MYL4: variants seen among roughly 807,000 people sequenced by gnomAD.
MYL4 encodes myosin light chain 4, also known as atrial myosin light chain 1.
A neutral mutation model predicts 21.6 loss-of-function variants in MYL4; 16 were observed. The observed-to-expected ratio is 0.74, with a 90% CI of 0.50 to 1.12. The LOEUF is 1.12. Ranked by LOEUF, MYL4 falls within the 50% of genes most tolerant of loss-of-function variation. MYL4 has a pLI of 0.00. For missense variants in MYL4, 249 were observed against 252.9 expected (o/e 0.98, Z 0.11); for synonymous variants, 82 against 95.7 (o/e 0.86, Z 0.83).
intron 1 of MYL4, 98 bp from the exon 2 acceptor site, chr17:47,213,701 A>T: frequency 1.6e-6 from 2 of 1,220,446 alleles, no homozygotes; most frequent in Non-Finnish European, 2.4e-6. Flanking sequence ...AGGTGGCCAT[A>T]CTGCATTGGA....
In MYL4 at chr17:47,222,448, A is replaced by T. The variant is rs16941677; in HGVS notation, c.556A>T (p.Asn186Tyr). The part of the protein sequence containing the change: ...AGQEDANGCI[N>Y]YEAFVKHIMS... ...GCAAGAGGATGCCAATGGCTGCATC[A>T]ATTATGAAGGTATTAAGCCGCGCCT... The change falls in exon 5 of 7, where the codon AAT (asparagine) becomes TAT (tyrosine). Residue 186 changes from asparagine (N) to tyrosine (Y), a missense_variant. Coordinates refer to ENST00000393450, the MANE Select transcript of MYL4 (RefSeq NM_002476.2). The T allele has an allele frequency of 1.4e-3, 2,233 of 1,614,084 alleles. 38 individuals carry two copies. In the African/African-American group the frequency reaches 0.027, roughly 20 times the overall value.
At chr17:47,197,976 CT>C (rs1373834079), upstream of MYL4, among the ~76,000 whole-genome samples, 4 of 152,250 alleles carry the variant, frequency 2.6e-5, no homozygotes, top group East Asian at 7.7e-4. Context: ...TGGCTGATGA[CT>C]TTAGTTTTGA....
At chr17:47,209,114 G>T (rs2064752248), upstream of MYL4, 7 of 496,712 alleles carry the variant, frequency 1.4e-5, no homozygotes, top group East Asian at 2.7e-4. Flanking sequence ...GGTCCTTCTG[G>T]GTTTCCACCA....
At chr17:47,219,541 C>G (rs1296575858) in intron 2 of MYL4, among the ~76,000 whole-genome samples, 1 of 152,036 alleles carries the variant, frequency 6.6e-6, no homozygotes, top group Non-Finnish European at 1.5e-5. Context: ...TGGAGTTTCA[C>G]TCTGTCACCC....
upstream of MYL4, among the ~76,000 whole-genome samples, chr17:47,197,092 GT>G (rs71365051): frequency 0.047 from 5,249 of 112,284 alleles, 17 homozygotes; most frequent in African/African-American, 0.072. Flanking sequence ...TCCTTAAAGG[GT>G]TTTTTTTTTT....
At chr17:47,217,043 C>G (rs2064820476) in intron 2 of MYL4, among the ~76,000 whole-genome samples, 1 of 152,172 alleles carries the variant, frequency 6.6e-6, no homozygotes, top group Non-Finnish European at 1.5e-5. Flanking sequence ...TAAACTTGAC[C>G]TCACTCTTCT....
At chr17:47,198,810 T>G (rs1318891982), upstream of MYL4, among the ~76,000 whole-genome samples, 3 of 151,956 alleles carry the variant, frequency 2.0e-5, no homozygotes, top group Non-Finnish European at 4.4e-5. Flanking sequence ...AGAGAGACCC[T>G]CATTTCTACA....
chr17:47,211,174 G>C (rs1226594998), intron 1 of MYL4, among the ~76,000 whole-genome samples: 1 of 152,020 alleles, frequency 6.6e-6, no homozygotes, highest in Non-Finnish European at 1.5e-5. Flanking sequence ...AAAAAAAATA[G>C]GTATCTTTTA....
At chr17:47,204,870 G>A (rs1430855239), upstream of MYL4, among the ~76,000 whole-genome samples, 1 of 152,212 alleles carries the variant, frequency 6.6e-6, no homozygotes, top group Non-Finnish European at 1.5e-5. Context: ...TTGACAAAGT[G>A]TTGGCCAGGG....
intron 6 of MYL4, 126 bp downstream of exon 6, chr17:47,223,183 A>G (rs2064869546): frequency 1.1e-6 from 1 of 928,816 alleles, no homozygotes; most frequent in East Asian, 2.6e-5. Context: ...TGGGATCAGG[A>G]AGTGAGGACA....
At chr17:47,193,371 G>A in the MYL4 span, among the ~76,000 whole-genome samples, 20 of 152,152 alleles carry the variant, frequency 1.3e-4, no homozygotes, top group African/African-American at 3.9e-4. Flanking sequence ...GGGTTCAAGC[G>A]ATTCTCCTGC....
At chr17:47,192,147 G>A in the MYL4 span, among the ~76,000 whole-genome samples, 2 of 152,162 alleles carry the variant, frequency 1.3e-5, no homozygotes, top group South Asian at 4.1e-4. Flanking sequence ...CTGAGGTCAG[G>A]CGTTCCAGAC....
At chr17:47,202,778 T>G (rs2064714346) in intron 1 of MYL4, among the ~76,000 whole-genome samples, 1 of 152,234 alleles carries the variant, frequency 6.6e-6, no homozygotes, top group Admixed American at 6.5e-5. Context: ...TTTTCTTGTT[T>G]TTGTAGCCAA....
At chr17:47,199,070 T>TA (rs543390449), upstream of MYL4, among the ~76,000 whole-genome samples, 18,020 of 140,678 alleles carry the variant, frequency 0.13, 1,329 homozygotes, top group African/African-American at 0.19. Flanking sequence ...CCGTCTTTAC[T>TA]AAAAAAAAAA....
chr17:47,208,364 G>A (rs1483144427), upstream of MYL4, among the ~76,000 whole-genome samples: 1 of 152,224 alleles, frequency 6.6e-6, no homozygotes, highest in Non-Finnish European at 1.5e-5. Flanking sequence ...AGCCAGGAAA[G>A]ACGAGGCTGC....
At chr17:47,204,376 C>T (rs2064719724), upstream of MYL4, among the ~76,000 whole-genome samples, 2 of 152,224 alleles carry the variant, frequency 1.3e-5, no homozygotes, top group Admixed American at 6.5e-5. Flanking sequence ...CTTTGTAACT[C>T]TTCTGCGGGT....
chr17:47,224,907 C>T (rs1254899101), downstream of MYL4, among the ~76,000 whole-genome samples: 3 of 151,830 alleles, frequency 2.0e-5, no homozygotes, highest in East Asian at 1.9e-4. Context: ...GGGAGAGGCA[C>T]GTGGAAAAGA....
upstream of MYL4, among the ~76,000 whole-genome samples, chr17:47,199,118 G>A (rs1189134823): frequency 3.3e-5 from 5 of 150,892 alleles, no homozygotes; most frequent in Admixed American, 2.6e-4. Context: ...GCGGGCGCCT[G>A]TAGTCCCAGC....
chr17:47,196,285 G>C (rs190915509), upstream of MYL4, among the ~76,000 whole-genome samples: 22 of 152,270 alleles, frequency 1.4e-4, no homozygotes, highest in East Asian at 4.2e-3. Context: ...CAACATCTAG[G>C]AAGAGAGCCC....
Sources: allele counts gnomAD v4.1 joint callset (sites outside exome capture counted in the v4.1 genomes callset), GRCh38; gene constraint gnomAD v4.1.1; transcripts MANE v1.5; gene names NCBI Gene and HGNC (gene_info 2026-07-23, HGNC 2026-07-21).